AUTS2: variants seen among roughly 807,000 people sequenced by gnomAD.
AUTS2 encodes activator of transcription and developmental regulator AUTS2, also known as autism susceptibility gene 2 protein.
In AUTS2, 17 loss-of-function variants were observed where a neutral mutation model predicts 112.4. The observed-to-expected ratio is 0.15, with a 90% CI of 0.10 to 0.23. The LOEUF (loss-of-function observed/expected upper bound fraction) is 0.23, where lower values mean the gene tolerates loss of function less well. AUTS2 is among the 10% of genes least tolerant of loss of function. The pLI, the probability that AUTS2 is intolerant of heterozygous loss-of-function variation, is 1.00. For missense variants in AUTS2, 1,510 were observed against 1,701.6 expected, an observed-to-expected ratio of 0.89 and a Z score of 1.98; for synonymous variants, 751 against 702.7, an observed-to-expected ratio of 1.07 and a Z score of -1.09.
chr7:70,768,095 T>C (rs777305470), intron 10 of AUTS2, 27 bp downstream of exon 10: 1 of 1,580,802 alleles, frequency 6.3e-7, no homozygotes, highest in East Asian at 2.3e-5. Context: ...TGCTACACAT[T>C]GAATGTAACT....
chr7:70,673,423 G>T (rs545328240), intron 5 of AUTS2, among the ~76,000 whole-genome samples: 1 of 151,160 alleles, frequency 6.6e-6, no homozygotes, highest in Non-Finnish European at 1.5e-5. Flanking sequence ...CTGGAGTGCA[G>T]TGGCACCATC....
chr7:69,725,106 A>T (rs562477485), intron 1 of AUTS2, among the ~76,000 whole-genome samples: 2 of 152,314 alleles, frequency 1.3e-5, no homozygotes, highest in Non-Finnish European at 2.9e-5. Context: ...ATACACTCAC[A>T]TATAGTCACC....
chr7:69,961,231 G>T (rs1797417913), intron 2 of AUTS2, among the ~76,000 whole-genome samples: 1 of 152,120 alleles, frequency 6.6e-6, no homozygotes, highest in South Asian at 2.1e-4. Context: ...AGATCTGTTG[G>T]TGTAGAGTTT....
chr7:70,079,508 T>TA (rs1044092418), intron 2 of AUTS2, among the ~76,000 whole-genome samples: 4 of 151,412 alleles, frequency 2.6e-5, no homozygotes, highest in African/African-American at 7.3e-5. Flanking sequence ...TCTCAAAAAA[T>TA]AAAAAAAAGT....
chr7:69,734,944 C>A (rs1450350647), intron 1 of AUTS2, among the ~76,000 whole-genome samples: 1 of 152,146 alleles, frequency 6.6e-6, no homozygotes, highest in Non-Finnish European at 1.5e-5. Context: ...AAACAAATTT[C>A]AGACATTTTC....
chr7:70,321,177 G>A (rs995062995), intron 4 of AUTS2, among the ~76,000 whole-genome samples: 7 of 152,164 alleles, frequency 4.6e-5, no homozygotes, highest in African/African-American at 1.7e-4. Flanking sequence ...GAGTGAAGAG[G>A]TCACCCAGCT....
intron 1 of AUTS2, among the ~76,000 whole-genome samples, chr7:69,868,139 G>A (rs536390180): frequency 5.3e-5 from 8 of 152,120 alleles, no homozygotes; most frequent in Non-Finnish European, 1.2e-4. Context: ...ATGTAAGACT[G>A]TGGACAAATT....
At chr7:69,899,691 A>G (rs1407361909) in intron 2 of AUTS2, among the ~76,000 whole-genome samples, 193 bp downstream of exon 2, 1 of 152,212 alleles carries the variant, frequency 6.6e-6, no homozygotes, top group Admixed American at 6.5e-5. Flanking sequence ...GAGGATTTGA[A>G]ACTTCAGCAT....
chr7:70,113,619 C>A (rs1291135863), intron 2 of AUTS2, among the ~76,000 whole-genome samples: 1 of 152,150 alleles, frequency 6.6e-6, no homozygotes, highest in Non-Finnish European at 1.5e-5. Flanking sequence ...TTTGAGGAAT[C>A]AAATTTGTGG....
chr7:69,598,615 A>G lies in AUTS2; in HGVS notation c.-1039A>G. 1 of 164,750 alleles carries G rather than the reference A, an allele frequency of 6.1e-6. No homozygotes were observed. Among genetic ancestry groups the G allele is most frequent in the Non-Finnish European group, 1.2e-5 (1 of 80,448 alleles). 10.2% of individuals were successfully genotyped at this position (164,750 alleles called of 1,614,324 possible). A position where few individuals can be genotyped will look rare whatever the true frequency, so the allele number is the denominator to read the frequency against. ...GCGTTCCCGGCTGCGCTTCTCCCTC[A>G]GGCGGGGCGGCGAGAGAAGCGGCGG... On this transcript the variant is annotated 5_prime_UTR_variant, in exon 1 of 19. Transcript: ENST00000342771.
intron 5 of AUTS2, among the ~76,000 whole-genome samples, chr7:70,667,210 G>A (rs1056082376): frequency 2.0e-5 from 3 of 152,114 alleles, no homozygotes; most frequent in African/African-American, 2.4e-5. Flanking sequence ...CCAGGGCTTC[G>A]TAATTAGCAT....
chr7:69,643,647 C>T (rs891820583), intron 1 of AUTS2, among the ~76,000 whole-genome samples: 5 of 152,074 alleles, frequency 3.3e-5, no homozygotes, highest in African/African-American at 1.2e-4. Flanking sequence ...CCCCCCACCC[C>T]GCCCCCAGCA....
chr7:69,687,041 G>A (rs1797092900), intron 1 of AUTS2, among the ~76,000 whole-genome samples: 1 of 152,154 alleles, frequency 6.6e-6, no homozygotes, highest in Non-Finnish European at 1.5e-5. Flanking sequence ...TACTCTTTTT[G>A]GAGTTGGGCT....
At chr7:70,083,046 C>T (rs903730344) in intron 2 of AUTS2, among the ~76,000 whole-genome samples, 4 of 152,144 alleles carry the variant, frequency 2.6e-5, no homozygotes, top group East Asian at 1.9e-4. Flanking sequence ...TTCATAAACT[C>T]GCTTACTTCT....
chr7:70,719,709 G>T (rs1040077810), intron 6 of AUTS2, among the ~76,000 whole-genome samples: 53 of 152,018 alleles, frequency 3.5e-4, no homozygotes, highest in African/African-American at 1.3e-3. Context: ...TGATCCACCC[G>T]CCTCAGCCTC....
At chr7:69,787,828 G>A (rs772575775) in intron 1 of AUTS2, among the ~76,000 whole-genome samples, 40 of 150,798 alleles carry the variant, frequency 2.7e-4, no homozygotes, top group South Asian at 8.5e-4. Context: ...GCCCACCTTG[G>A]CCTCCCAAAG....
At chr7:69,686,899 T>A (rs2533433) in intron 1 of AUTS2, among the ~76,000 whole-genome samples, 92,550 of 152,056 alleles carry the variant, frequency 0.61, 28,566 homozygotes, top group East Asian at 0.7. Flanking sequence ...CACGTTAATA[T>A]GAACCATATA....
rs544680877 is a variant in AUTS2, at chr7:70,246,366, G to A, written c.660+111795G>A. Among the ~76,000 whole-genome samples the A allele has an allele frequency of 3.3e-5, 5 of 152,126 alleles. No individual in the cohort carries two copies. The East Asian group carries it at 9.6e-4, about 29-fold the overall frequency. On this transcript the variant is annotated intron_variant, in intron 4 of 18. Transcript: ENST00000342771. ...TGCTTTATCTGGAATTAATCTTCAT[G>A]TATGATGTGAGGTAAGGTAAGGGTT... is the stretch of plus-strand genomic sequence containing the variant.
At chr7:70,156,512 T>C (rs752298022) in intron 4 of AUTS2, among the ~76,000 whole-genome samples, 48 of 152,240 alleles carry the variant, frequency 3.2e-4, no homozygotes, top group Non-Finnish European at 6.2e-4. Flanking sequence ...GTTAATCCTT[T>C]GGACTTTAGG....
Sources: gnomAD v4.1 joint callset for allele counts (sites outside exome capture counted in the v4.1 genomes callset) on GRCh38, gnomAD v4.1.1 for gene constraint, MANE v1.5 for transcripts, NCBI Gene and HGNC (gene_info 2026-07-23, HGNC 2026-07-21) for gene names.